Variants in NAV2 observed in about 807,000 individuals in gnomAD.
NAV2 encodes helicase, APC down-regulated 1.
A neutral mutation model predicts 223.2 loss-of-function variants in NAV2; 54 were observed. That is an observed-to-expected ratio of 0.24 (90% CI 0.19 to 0.30). The LOEUF (loss-of-function observed/expected upper bound fraction) is 0.30. Among genes scored for constraint, NAV2 ranks in the 10% least tolerant of loss-of-function variants. The pLI is 1.00. For missense variants in NAV2, 2,806 were observed against 3,147.5 expected, an observed-to-expected ratio of 0.89 and a Z score of 2.60; for synonymous variants, 1,279 against 1,239.3, an observed-to-expected ratio of 1.03 and a Z score of -0.67.
Position 19,458,154 on chromosome 11 carries a change from G to A in NAV2, c.75+107127G>A, listed in dbSNP as rs577084493. Among the ~76,000 whole-genome samples, 197 of 152,336 alleles carry A rather than the reference G, an allele frequency of 1.3e-3. 1 individual carries two copies. The highest frequency in any genetic ancestry group is 1.5e-3 in the Non-Finnish European group (102 of 68,038). Reference sequence around the variant, plus strand: ...TCTGGGAAATGGCAGTCTCACTGGCGGAGGAGGTCCTGAGGAGTTCTTTGG... The same window carrying A: ...TCTGGGAAATGGCAGTCTCACTGGCAGAGGAGGTCCTGAGGAGTTCTTTGG... On this transcript the variant is annotated intron_variant, in intron 1 of 37. Transcript: ENST00000360655.
At chr11:19,388,390 C>G (rs1849123478) in intron 1 of NAV2, among the ~76,000 whole-genome samples, 1 of 152,216 alleles carries the variant, frequency 6.6e-6, no homozygotes, top group Non-Finnish European at 1.5e-5. Flanking sequence ...TGCTTCCTCA[C>G]AGTGGAGCTT....
chr11:19,406,347 G>A lies in NAV2; in HGVS notation c.75+55320G>A, dbSNP rs542916772. ...AAATGAGGGTCCTGTCTAATAGGACGTGGGAAGACTAAACAATACGAATGG... is the reference window on the plus strand; with the variant it reads ...AAATGAGGGTCCTGTCTAATAGGACATGGGAAGACTAAACAATACGAATGG... On this transcript the variant is annotated intron_variant, in intron 1 of 37. Coordinates refer to the NAV2 transcript ENST00000360655. Among the ~76,000 whole-genome samples the A allele has an allele frequency of 1.3e-4, 20 of 152,318 alleles. No individual in the cohort carries two copies. In the South Asian group the frequency reaches 3.7e-3, roughly 28 times the overall value.
At chr11:19,720,737 C>T (rs1478207164) in intron 1 of NAV2, among the ~76,000 whole-genome samples, 1 of 152,220 alleles carries the variant, frequency 6.6e-6, no homozygotes, top group Non-Finnish European at 1.5e-5. Context: ...ATGTATCATT[C>T]ATTTAATCCT....
intron 1 of NAV2, among the ~76,000 whole-genome samples, chr11:19,463,445 C>T (rs1257949803): frequency 5.3e-5 from 8 of 152,250 alleles, no homozygotes; most frequent in Admixed American, 5.2e-4. Context: ...CAATGTGCAA[C>T]TTTAGCCTCC....
chr11:19,380,890 T>G (rs1848815659), intron 1 of NAV2, among the ~76,000 whole-genome samples: 1 of 152,106 alleles, frequency 6.6e-6, no homozygotes, highest in Non-Finnish European at 1.5e-5. Context: ...ACCAGGAAAA[T>G]CTGGGCAAAC....
chr11:20,103,152 T>C (rs776357011), intron 32 of NAV2, 103 bp from the exon 33 acceptor site: 2 of 1,143,966 alleles, frequency 1.7e-6, no homozygotes, highest in Non-Finnish European at 2.5e-6. Flanking sequence ...ATGAAGGGCC[T>C]TTCTGCCTCC....
chr11:19,933,069 G>A lies in NAV2; in HGVS notation c.932-107G>A, dbSNP rs547652838. 1.5e-5 allele frequency: 20 copies of A among 1,322,060 alleles called. No homozygotes were observed. The highest frequency in any genetic ancestry group is 2.0e-4 in the Middle Eastern group (1 of 5,108). 81.9% of individuals were successfully genotyped at this position (1,322,060 alleles called of 1,614,324 possible). On this transcript the variant is annotated intron_variant, in intron 6 of 37. Transcript: ENST00000349880. The surrounding 1 kb of genome is among the most constrained non-coding windows in gnomAD (Gnocchi z 4.3). ...CACAAAGTGGGCAATGGAGCTATAC[G>A]GCATTTGGGTTGGGAGTGATTGGTT...
At chr11:20,067,211 A>G (rs1322163646) in intron 20 of NAV2, among the ~76,000 whole-genome samples, 1 of 151,986 alleles carries the variant, frequency 6.6e-6, no homozygotes, top group African/African-American at 2.4e-5. Flanking sequence ...TATCCTCACA[A>G]CCTGTGGAGT....
At chr11:19,733,374 C>T (rs1172941915) in intron 1 of NAV2, among the ~76,000 whole-genome samples, 3 of 152,194 alleles carry the variant, frequency 2.0e-5, no homozygotes, top group African/African-American at 7.2e-5. Flanking sequence ...TAAATGATAG[C>T]TCCAGGTTTT....
intron 1 of NAV2, among the ~76,000 whole-genome samples, chr11:19,677,052 G>C (rs2048734924): frequency 7.9e-5 from 12 of 152,198 alleles, no homozygotes; most frequent in Admixed American, 7.9e-4. Context: ...GCCAGCCACA[G>C]AAAAAGGCTA....
At chr11:20,004,594 G>A (rs1288951546) in intron 11 of NAV2, among the ~76,000 whole-genome samples, 1 of 152,146 alleles carries the variant, frequency 6.6e-6, no homozygotes, top group East Asian at 1.9e-4. Flanking sequence ...TTTCAGAGGG[G>A]CTCAGTCCTG....
At chr11:19,410,568 C>T (rs955654383) in intron 1 of NAV2, among the ~76,000 whole-genome samples, 2 of 152,160 alleles carry the variant, frequency 1.3e-5, no homozygotes, top group South Asian at 2.1e-4. Flanking sequence ...GTACTCCTGG[C>T]CACTACATTG....
At chr11:19,495,025 T>C (rs1032192) in intron 1 of NAV2, among the ~76,000 whole-genome samples, 50,180 of 152,026 alleles carry the variant, frequency 0.33, 8,913 homozygotes, top group South Asian at 0.4. Flanking sequence ...GGAAAACTCA[T>C]TGCTGCTTGA....
chr11:20,031,451 C>T (rs2055724481), intron 11 of NAV2, among the ~76,000 whole-genome samples: 1 of 152,216 alleles, frequency 6.6e-6, no homozygotes, highest in Non-Finnish European at 1.5e-5. Context: ...AACCACATAT[C>T]TGGAGTTATT....
intron 1 of NAV2, among the ~76,000 whole-genome samples, chr11:19,415,457 C>G (rs1850326707): frequency 6.6e-6 from 1 of 152,082 alleles, no homozygotes; most frequent in South Asian, 2.1e-4. Context: ...AATTAATAGC[C>G]TACCAACTAA....
At chr11:19,772,716 G>T (rs372905653) in intron 1 of NAV2, among the ~76,000 whole-genome samples, 14 of 152,162 alleles carry the variant, frequency 9.2e-5, no homozygotes, top group Non-Finnish European at 1.6e-4. Flanking sequence ...CCCCCCATCA[G>T]CCTTGCCTCA....
chr11:19,832,885 C>T (rs1236542169), intron 2 of NAV2, among the ~76,000 whole-genome samples: 2 of 152,196 alleles, frequency 1.3e-5, no homozygotes, highest in East Asian at 3.9e-4. Flanking sequence ...ATGTGTTCTG[C>T]ACCACTTCTT....
chr11:19,807,674 G>A (rs903436416), intron 1 of NAV2, among the ~76,000 whole-genome samples: 3 of 152,140 alleles, frequency 2.0e-5, no homozygotes, highest in Non-Finnish European at 4.4e-5. Context: ...GATATCCACT[G>A]CAGGCTCCCC....
chr11:20,070,169 C>T (rs1161745361), intron 22 of NAV2, among the ~76,000 whole-genome samples: 4 of 152,154 alleles, frequency 2.6e-5, no homozygotes, highest in Non-Finnish European at 5.9e-5. Flanking sequence ...ATTCTATAGA[C>T]AGGTTCTATC....
Sources: allele counts gnomAD v4.1 joint callset (sites outside exome capture counted in the v4.1 genomes callset), GRCh38; gene constraint gnomAD v4.1.1; non-coding constraint Gnocchi (gnomAD v3.1); transcripts MANE v1.5; gene names NCBI Gene and HGNC (gene_info 2026-07-23, HGNC 2026-07-21).